The following TRDN variants were observed in gnomAD, a reference collection of about 807,000 sequenced individuals.
The protein encoded by TRDN is triadin, also known as triadin in skeletal muscle.
In TRDN, 161 loss-of-function variants were observed where a neutral mutation model predicts 149.7. That is an observed-to-expected ratio of 1.08 (90% CI 0.95 to 1.23). The LOEUF is 1.23. Ranked by LOEUF, TRDN falls within the 50% of genes most tolerant of loss-of-function variation. The pLI, the probability that TRDN is intolerant of heterozygous loss-of-function variation, is 0.00. For synonymous variants in TRDN, 294 were observed against 250.5 expected, an observed-to-expected ratio of 1.17 and a Z score of -1.64; for missense variants, 896 against 823.5, an observed-to-expected ratio of 1.09 and a Z score of -1.08.
chr6:123,388,069 G>A, intron 14 of TRDN, among the ~76,000 whole-genome samples: 1 of 147,530 alleles, frequency 6.8e-6, no homozygotes, highest in Non-Finnish European at 1.5e-5. Flanking sequence ...ATATAAGCCA[G>A]AAAAAATAGA....
intron 1 of TRDN, among the ~76,000 whole-genome samples, chr6:123,585,091 C>T (rs991311155): frequency 7.9e-5 from 12 of 151,102 alleles, no homozygotes; most frequent in East Asian, 3.9e-4. Context: ...GTAAGGGGTG[C>T]ATGATCGGTT....
At chr6:123,554,706 C>T (rs777748453) in intron 2 of TRDN, among the ~76,000 whole-genome samples, 29 of 152,056 alleles carry the variant, frequency 1.9e-4, no homozygotes, top group Middle Eastern at 3.4e-3. Flanking sequence ...CCCATCCCAC[C>T]GCCTAAGTTG....
intron 4 of TRDN, among the ~76,000 whole-genome samples, chr6:123,531,821 A>C (rs965028873): frequency 2.0e-5 from 3 of 152,024 alleles, no homozygotes; most frequent in Non-Finnish European, 4.4e-5. Context: ...GGTTTCTTAC[A>C]TTAGCACTTT....
At chr6:123,528,823 GCT>G (rs1360322084) in intron 5 of TRDN, 3 of 1,001,262 alleles carry the variant, frequency 3.0e-6, no homozygotes, top group Non-Finnish European at 3.6e-6. Context: ...GAAAACATAA[GCT>G]CTCTCTGATT....
intron 31 of TRDN, among the ~76,000 whole-genome samples, chr6:123,269,279 A>T (rs2114609613): frequency 6.6e-6 from 1 of 152,196 alleles, no homozygotes; most frequent in African/African-American, 2.4e-5. Flanking sequence ...GTCCACATTC[A>T]TAAGGACATT....
At chr6:123,311,895 G>A (rs547348446) in intron 24 of TRDN, among the ~76,000 whole-genome samples, 44 of 151,964 alleles carry the variant, frequency 2.9e-4, no homozygotes, top group African/African-American at 1.1e-3. Context: ...CAGTAGATAT[G>A]GCAAAAAAGG....
intron 21 of TRDN, 45 bp from the exon 22 acceptor site, chr6:123,337,714 A>G: frequency 8.2e-7 from 1 of 1,224,746 alleles, no homozygotes. Context: ...GGAATAAGAG[A>G]GGAAAAAAAT....
chr6:123,494,718 T>C (rs748367969), intron 9 of TRDN, among the ~76,000 whole-genome samples: 14 of 152,098 alleles, frequency 9.2e-5, no homozygotes, highest in Non-Finnish European at 1.6e-4. Context: ...TGGTTAGCAC[T>C]CCTTTGACCT....
At chr6:123,460,738 T>A (rs989958910) in intron 10 of TRDN, among the ~76,000 whole-genome samples, 16 of 152,202 alleles carry the variant, frequency 1.1e-4, no homozygotes, top group African/African-American at 3.6e-4. Flanking sequence ...CCTTACTAGC[T>A]CCTGTAGAAT....
chr6:123,294,293 C>T (rs1778114182), intron 24 of TRDN, among the ~76,000 whole-genome samples: 3 of 152,108 alleles, frequency 2.0e-5, no homozygotes, highest in Admixed American at 2.0e-4. Context: ...ATCAAAAGTG[C>T]CTTCCCAAGT....
At chr6:123,432,296 T>G (rs566687018) in intron 12 of TRDN, among the ~76,000 whole-genome samples, 2 of 152,312 alleles carry the variant, frequency 1.3e-5, no homozygotes, top group Admixed American at 1.3e-4. Flanking sequence ...GTTTTAGTTT[T>G]ATCACCAGAG....
chr6:123,630,003 CATTCGT>C (rs1365757279), intron 1 of TRDN, among the ~76,000 whole-genome samples: 1 of 151,992 alleles, frequency 6.6e-6, no homozygotes, highest in Non-Finnish European at 1.5e-5. Context: ...CCAAGCCTGT[CATTCGT>C]ATTATCCAGG....
At chr6:123,219,136 C>A (rs1358726546) in intron 40 of TRDN, among the ~76,000 whole-genome samples, 1 of 151,860 alleles carries the variant, frequency 6.6e-6, no homozygotes, top group Non-Finnish European at 1.5e-5. Flanking sequence ...ATATGCAAAG[C>A]AACAGACTGT....
rs2114420504 is a variant in TRDN at position 123,382,101 on chromosome 6, A to G, written c.1165+17T>C. On this transcript the variant is annotated intron_variant, in intron 15 of 40. Transcript: ENST00000334268. The stretch of plus-strand genomic sequence containing the variant: ...TTCATCAAACATAAGGCAGAAAAAA[A>G]GAAATATGTCCAGTACCTTCTGCAG... 1.4e-6 allele frequency: 2 copies of G among 1,473,338 alleles called. No individual in the cohort carries two copies. The highest frequency in any genetic ancestry group is 1.4e-5 in the South Asian group (1 of 71,264). The allele number at this position is 1,473,338 out of a possible 1,614,324, so 91.3% of individuals were successfully genotyped here.
chr6:123,382,044 T>A (rs1188403202), intron 15 of TRDN, 74 bp downstream of exon 15: 24 of 1,107,698 alleles, frequency 2.2e-5, no homozygotes, highest in Middle Eastern at 2.2e-4. Context: ...TTCTTCTACA[T>A]CAATCCTTTA....
intron 12 of TRDN, among the ~76,000 whole-genome samples, chr6:123,427,115 T>C (rs1774154902): frequency 6.6e-6 from 1 of 152,040 alleles, no homozygotes; most frequent in African/African-American, 2.4e-5. Context: ...ATTTTTTTAG[T>C]GCCCTTGGTT....
At chr6:123,523,105 GT>G (rs1379645331) in intron 5 of TRDN, among the ~76,000 whole-genome samples, 1 of 152,132 alleles carries the variant, frequency 6.6e-6, no homozygotes, top group African/African-American at 2.4e-5. Flanking sequence ...CATGGACAAA[GT>G]GCTTAAATGC....
chr6:123,376,085 AATAG>A (rs1457681574), intron 18 of TRDN, among the ~76,000 whole-genome samples: 1 of 152,208 alleles, frequency 6.6e-6, no homozygotes, highest in Non-Finnish European at 1.5e-5. Context: ...CACTGAAAAA[AATAG>A]ATAATAATTT....
At chr6:123,593,974 T>C (rs561996765) in intron 1 of TRDN, among the ~76,000 whole-genome samples, 1 of 152,268 alleles carries the variant, frequency 6.6e-6, no homozygotes, top group African/African-American at 2.4e-5. Context: ...AAATTCCAGA[T>C]GTAGCTGAAA....
Sources: allele counts gnomAD v4.1 joint callset (sites outside exome capture counted in the v4.1 genomes callset), GRCh38; gene constraint gnomAD v4.1.1; transcripts MANE v1.5; gene names NCBI Gene and HGNC (gene_info 2026-07-23, HGNC 2026-07-21).